Variants in TTN observed in about 807,000 individuals in gnomAD.
The protein encoded by TTN is connectin.
TTN carries 1,525 observed loss-of-function variants against 3,223.0 expected under a neutral mutation model. The observed-to-expected ratio is 0.47, with a 90% confidence interval of 0.45 to 0.49. The LOEUF is 0.49. TTN is among the 20% of genes least tolerant of loss of function. TTN has a pLI of 0.00. For synonymous variants in TTN, 14,094 were observed against 15,161.0 expected (o/e 0.93, Z 5.17); for missense variants, 40,786 against 43,424.0 (o/e 0.94, Z 5.40).
chr2:178,592,772 C>T lies in TTN; in HGVS notation c.59344+3G>A, dbSNP rs142095604. 1.1e-4 allele frequency: 173 copies of T among 1,613,314 alleles called. No individual in the cohort carries two copies. The East Asian group carries it at 1.8e-3, about 17-fold the overall frequency. ...CAAACACAAGTGAGAGCATTTTACT[C>T]ACCAAGCCTGTCTTTTACTAGGACT... On this transcript the variant is annotated splice_donor_region_variant and intron_variant, in intron 300 of 362. Transcript: ENST00000589042.
rs1177595616 is a variant in TTN at position 178,550,147 on chromosome 2, C to A, written c.91691G>T (p.Gly30564Val). Residue 30564 changes from glycine to valine, a missense_variant, in exon 337 of 363, where the codon GGA becomes GTA. By Grantham distance (109) the Gly-to-Val change is moderately radical. Transcript: ENST00000589042. ...ATTCATCCTCTTTTCGATTTCCACT[C>A]CATCTTTGAACCAAGTTACTCGAGG... ...PVPRVTWFKD[G>V]VEIEKRMNME... 6.2e-7 allele frequency: 1 copy of A among 1,613,798 alleles called. No individual in the cohort carries two copies. The highest frequency in any genetic ancestry group is 8.5e-7 in the Non-Finnish European group (1 of 1,179,766).
chr2:178,661,782 T>C lies in TTN; in HGVS notation c.37262A>G (p.Lys12421Arg). The change falls in exon 180 of 363, where the codon AAG becomes AGG. Residue 12421 changes from lysine (K) to arginine (R), a missense_variant. Physicochemically the swap from Lys to Arg is conservative, Grantham distance 26. Coordinates refer to ENST00000589042, the MANE Select transcript of TTN (RefSeq NM_001267550.2). The stretch of plus-strand genomic sequence containing the variant: ...ACCTTTAACAGGTGGGACTTCAGGC[T>C]TTTTAGGAGGAGCCGAGGGCACTTT... ...EKKVPSAPPKKPEVPPVKVPE... is the reference protein window; with the variant it reads ...EKKVPSAPPKRPEVPPVKVPE... 1 of 1,608,704 alleles carries C rather than the reference T, an allele frequency of 6.2e-7. No homozygotes were observed. The highest frequency in any genetic ancestry group is 8.5e-7 in the Non-Finnish European group (1 of 1,178,696).
Position 178,718,710 on chromosome 2 carries a change from G to A in TTN, c.24490C>T (p.His8164Tyr). The A allele has an allele frequency of 1.2e-6, 2 of 1,613,506 alleles. No homozygotes were observed. Among genetic ancestry groups the A allele is most frequent in the Non-Finnish European group, 1.7e-6 (2 of 1,179,596 alleles). The change falls in exon 84 of 363, where the codon CAT becomes TAT. Residue 8164 changes from histidine to tyrosine, a missense_variant. By Grantham distance (83) the His-to-Tyr change is moderately conservative (BLOSUM62 2). Coordinates refer to ENST00000589042, the MANE Select transcript of TTN (RefSeq NM_001267550.2). ...NDAGSASCTT[H>Y]LFVKEPATFV... is the part of the protein sequence containing the mutation. ...AAGAGCAAACCTTTCACAAAAAGAT[G>A]TGTGGTACAGGAAGCACTGCCAGCA...
chr2:178,596,505 A>G (rs953259313), intron 294 of TTN, among the ~76,000 whole-genome samples: 18 of 151,952 alleles, frequency 1.2e-4, no homozygotes, highest in Non-Finnish European at 2.6e-4. Context: ...GGAGAGAGAG[A>G]TGGTTTATTT....
Position 178,722,431 on chromosome 2 carries a change from C to T in TTN, c.22356G>A (p.Trp7452Ter), listed in dbSNP as rs2078556781. 6.2e-7 allele frequency: 1 copy of T among 1,613,396 alleles called. No individual in the cohort carries two copies. The change falls in exon 77 of 363, where the codon TGG (tryptophan) becomes TGA (stop). Residue 7452 changes from tryptophan to a stop codon, truncating the protein, a stop_gained. Transcript: ENST00000589042. LOFTEE classifies it high-confidence loss of function. ...CTCTTAAAAGTACTCCATCTCTATA[C>T]CAGCACACTTGGATGGGTGCAGAGC... ...LNGSAPIQVC[W>*]YRDGVLLRDD... is the part of the protein sequence containing the mutation.
chr2:178,526,100 A>T lies in TTN; in HGVS notation c.*912T>A, dbSNP rs1686327780. On this transcript the variant is annotated 3_prime_UTR_variant, in exon 363 of 363. Transcript: ENST00000589042. ...GCATGAAAAGAACTACATCAAATTG[A>T]CATTTTGGGCAATTAGTAATATTGT... The T allele has an allele frequency of 6.6e-6, 1 of 152,662 alleles. No homozygotes were observed. Among genetic ancestry groups the T allele is most frequent in the South Asian group, 2.1e-4 (1 of 4,836 alleles). The allele number at this position is 152,662 out of a possible 1,614,324, so 9.5% of individuals were successfully genotyped here. A position where few individuals can be genotyped will look rare whatever the true frequency, so the allele number is the denominator to read the frequency against.
chr2:178,804,320 T>G (rs922699225), intron 2 of TTN, among the ~76,000 whole-genome samples: 1 of 152,208 alleles, frequency 6.6e-6, no homozygotes, highest in Non-Finnish European at 1.5e-5. Context: ...ACACTAATTA[T>G]TTTTGCTTTG....
chr2:178,532,921 A>G lies in TTN; in HGVS notation c.103694T>C (p.Met34565Thr). ...CTTTTTATACCACTTCATGTCAGAC[A>G]TGGGCACGAACTGCTTGATGCGTTG... ...EDQRIKQFVP[M>T]SDMKWYKKIR... Residue 34565 changes from methionine to threonine, a missense_variant, in exon 358 of 363, where the codon ATG becomes ACG. Transcript: ENST00000589042. 4 of 1,613,912 alleles carry G rather than the reference A, an allele frequency of 2.5e-6. No individual in the cohort carries two copies. The highest frequency in any genetic ancestry group is 3.4e-6 in the Non-Finnish European group (4 of 1,179,858).
chr2:178,562,840 A>C lies in TTN; in HGVS notation c.83292T>G (p.Leu27764=). ...SKTAFVNVRV[L]DSPSAPVNLT... ...AATTCACAGGGGCACTTGGTGAGTC[A>C]AGAACTCTGACGTTAACAAAAGCTG... The change falls in exon 326 of 363, where the codon CTT becomes CTG. Residue 27764 remains leucine, a synonymous_variant. Coordinates refer to ENST00000589042, the MANE Select transcript of TTN (RefSeq NM_001267550.2). 2 of 1,613,010 alleles carry C rather than the reference A, an allele frequency of 1.2e-6. No homozygotes were observed. Among genetic ancestry groups the C allele is most frequent in the Non-Finnish European group, 8.5e-7 (1 of 1,179,466 alleles).
intron 233 of TTN, 23 bp downstream of exon 233, chr2:178,633,164 A>C: frequency 6.2e-7 from 1 of 1,607,848 alleles, no homozygotes; most frequent in Non-Finnish European, 8.5e-7. Flanking sequence ...CCTCTCCTAT[A>C]TAATTAGCTA....
chr2:178,802,176 G>A lies in TTN; in HGVS notation c.257C>T (p.Ser86Phe). The A allele has an allele frequency of 6.2e-7, 1 of 1,614,164 alleles. No homozygotes were observed. The highest frequency in any genetic ancestry group is 1.1e-5 in the South Asian group (1 of 91,080). ...GRYSLKATNG[S>F]GQATSTAELL... ...CTCAGCAGTACTAGTCGCTTGTCCA[G>A]ATCCATTGGTGGCTTTCAGGGAATA... Residue 86 changes from serine (S) to phenylalanine (F), a missense_variant, in exon 3 of 363, where the codon TCT becomes TTT. Physicochemically the swap from Ser to Phe is radical, Grantham distance 155. Coordinates refer to ENST00000589042, the MANE Select transcript of TTN (RefSeq NM_001267550.2).
At chr2:178,783,163 T>G (rs2092923132) in intron 17 of TTN, 99 bp from the exon 18 acceptor site, 1 of 1,359,480 alleles carries the variant, frequency 7.4e-7, no homozygotes, top group Non-Finnish European at 1.0e-6. Flanking sequence ...GCATTTCAAC[T>G]GCCACAAAAT....
chr2:178,600,027 C>T (rs574157320), intron 288 of TTN, among the ~76,000 whole-genome samples, 177 bp from the exon 289 acceptor site: 46 of 152,024 alleles, frequency 3.0e-4, no homozygotes, highest in African/African-American at 1.0e-3. Context: ...AGCAGGTACA[C>T]GGGGTCAGCA....
chr2:178,594,210 T>C lies in TTN; in HGVS notation c.58183A>G (p.Lys19395Glu). ...GCTTCACCAACTCGAATCGTGAGCTTATCTCTGAAGTCGAGGTGAAGCGTT... is the reference window on the plus strand; with the variant it reads ...GCTTCACCAACTCGAATCGTGAGCTCATCTCTGAAGTCGAGGTGAAGCGTT... ...PPTLHLDFRD[K>E]LTIRVGEAFA... The change falls in exon 297 of 363, where the codon AAG becomes GAG. Residue 19395 changes from lysine to glutamate, a missense_variant. Lys to Glu is a moderately conservative substitution (Grantham distance 56). Coordinates refer to ENST00000589042, the MANE Select transcript of TTN (RefSeq NM_001267550.2). The C allele has an allele frequency of 6.2e-7, 1 of 1,613,344 alleles. No homozygotes were observed. The highest frequency in any genetic ancestry group is 8.5e-7 in the Non-Finnish European group (1 of 1,179,602).
At chr2:178,758,606 A>T in intron 44 of TTN, 1 of 288,050 alleles carries the variant, frequency 3.5e-6, no homozygotes, top group Non-Finnish European at 6.7e-6. Flanking sequence ...TAGGAGGATG[A>T]TAACACTCTT....
intron 334 of TTN, 21 bp from the exon 335 acceptor site, chr2:178,553,417 C>A (rs367790760): frequency 6.4e-7 from 1 of 1,574,460 alleles, no homozygotes; most frequent in Admixed American, 1.8e-5. Context: ...AAAATGGATA[C>A]ATACAGTGAA....
At chr2:178,704,073 G>A (rs1454614721) in intron 106 of TTN, 74 bp downstream of exon 106, 2 of 1,540,264 alleles carry the variant, frequency 1.3e-6, no homozygotes, top group Non-Finnish European at 8.8e-7. Flanking sequence ...TACAGGTAGG[G>A]TTGCAGGGGT....
Position 178,594,517 on chromosome 2 carries a change from A to G in TTN, c.57977T>C (p.Ile19326Thr), listed in dbSNP as rs766571281. ...IINYVLESRL[I>T]GTEKFHKVTN... ...AACTTTGTGGAACTTCTCAGTCCCA[A>G]TGAGCCGACTTTCTAGGACATAGTT... Residue 19326 changes from isoleucine (I) to threonine (T), a missense_variant, in exon 296 of 363, where the codon ATT becomes ACT. Coordinates refer to ENST00000589042, the MANE Select transcript of TTN (RefSeq NM_001267550.2). 9 of 1,613,416 alleles carry G rather than the reference A, an allele frequency of 5.6e-6. No homozygotes were observed. Among genetic ancestry groups the G allele is most frequent in the East Asian group, 4.5e-5 (2 of 44,776 alleles).
chr2:178,646,441 G>T, intron 216 of TTN, 44 bp downstream of exon 216: 1 of 1,291,506 alleles, frequency 7.7e-7, no homozygotes, highest in Non-Finnish European at 1.1e-6. Context: ...CATTTCAAGA[G>T]AAAGAATATG....
Sources: gnomAD v4.1 joint callset for allele counts (sites outside exome capture counted in the v4.1 genomes callset) on GRCh38, gnomAD v4.1.1 for gene constraint, MANE v1.5 for transcripts, NCBI Gene and HGNC (gene_info 2026-07-23, HGNC 2026-07-21) for gene names.